Variants in TDRD9 observed in about 807,000 individuals in gnomAD.
TDRD9 encodes the protein ATP-dependent RNA helicase TDRD9.
TDRD9 carries 124 observed loss-of-function variants against 172.6 expected under a neutral mutation model. The observed-to-expected ratio is 0.72, with a 90% CI of 0.62 to 0.83. The LOEUF (loss-of-function observed/expected upper bound fraction) is 0.83, where lower values mean the gene tolerates loss of function less well. TDRD9 is among the 40% of genes least tolerant of loss of function. TDRD9 has a pLI of 0.00. For missense variants in TDRD9, 1,479 were observed against 1,714.1 expected (o/e 0.86, Z 2.42); for synonymous variants, 619 against 617.1 (o/e 1.00, Z -0.05).
chr14:103,958,014 G>A (rs1465461436), intron 2 of TDRD9, among the ~76,000 whole-genome samples: 1 of 152,130 alleles, frequency 6.6e-6, no homozygotes, highest in African/African-American at 2.4e-5. Context: ...GGAGGTTTGG[G>A]CTACTTAGCC....
intron 34 of TDRD9, 25 bp downstream of exon 34, chr14:104,042,212 T>G: frequency 6.7e-7 from 1 of 1,500,676 alleles, no homozygotes. Context: ...GACGCGGGCT[T>G]CTTTTCTTCC....
Position 104,025,783 on chromosome 14 carries a change from T to G in TDRD9, c.2931+7T>G. ...TTCTGGAAATTCTGCTGAGGTAGGTTTTTCTGTAACAAGTCACTGGAAGGG... is the reference window on the plus strand; with the variant it reads ...TTCTGGAAATTCTGCTGAGGTAGGTGTTTCTGTAACAAGTCACTGGAAGGG... On this transcript the variant is annotated splice_region_variant and intron_variant, in intron 26 of 35. Coordinates refer to ENST00000409874, the MANE Select transcript of TDRD9 (RefSeq NM_153046.3). 1 of 1,607,326 alleles carries G rather than the reference T, an allele frequency of 6.2e-7. No homozygotes were observed. Among genetic ancestry groups the G allele is most frequent in the Non-Finnish European group, 8.5e-7 (1 of 1,174,204 alleles).
At chr14:103,973,724 G>T (rs1225704583) in intron 6 of TDRD9, among the ~76,000 whole-genome samples, 1 of 152,184 alleles carries the variant, frequency 6.6e-6, no homozygotes, top group Non-Finnish European at 1.5e-5. Context: ...GGTGACTGGG[G>T]TGTGTCCCTT....
chr14:104,045,484 A>G (rs1168937418), intron 34 of TDRD9, among the ~76,000 whole-genome samples: 3 of 151,136 alleles, frequency 2.0e-5, no homozygotes, highest in Admixed American at 2.0e-4. Context: ...TTGTTTTTAA[A>G]TTTTAGATAC....
chr14:103,952,192 A>G (rs8014866), intron 1 of TDRD9, among the ~76,000 whole-genome samples: 4,909 of 20,384 alleles, frequency 0.24, 193 homozygotes, highest in South Asian at 0.39. Context: ...GTGTGTGTGT[A>G]TATATATATA....
chr14:103,974,896 C>T (rs1360693820), intron 6 of TDRD9, among the ~76,000 whole-genome samples: 5 of 152,216 alleles, frequency 3.3e-5, no homozygotes, highest in East Asian at 1.9e-4. Context: ...TGAGCCACGG[C>T]ACCTGGCCTT....
chr14:103,973,299 A>G (rs559067603), intron 6 of TDRD9, among the ~76,000 whole-genome samples: 33 of 152,322 alleles, frequency 2.2e-4, no homozygotes, highest in African/African-American at 7.5e-4. Flanking sequence ...ATCAGCTTTT[A>G]AAGAGAGTGC....
chr14:103,932,663 A>G (rs1332378567), intron 1 of TDRD9, among the ~76,000 whole-genome samples: 1 of 151,470 alleles, frequency 6.6e-6, no homozygotes, highest in Non-Finnish European at 1.5e-5. Context: ...CTGGGATTAC[A>G]GGCGTGAGGT....
At chr14:103,944,005 C>T (rs545131314) in intron 1 of TDRD9, among the ~76,000 whole-genome samples, 1 of 152,298 alleles carries the variant, frequency 6.6e-6, no homozygotes, top group African/African-American at 2.4e-5. Flanking sequence ...ACAGAAGTGT[C>T]CTACCAAATT....
intron 6 of TDRD9, among the ~76,000 whole-genome samples, chr14:103,974,965 T>A (rs2033177696): frequency 6.6e-6 from 1 of 152,048 alleles, no homozygotes; most frequent in Non-Finnish European, 1.5e-5. Flanking sequence ...GAGACAGTGG[T>A]CTCATGTTGT....
At chr14:103,941,609 A>G in intron 1 of TDRD9, 1 of 1,535,182 alleles carries the variant, frequency 6.5e-7, no homozygotes, top group Non-Finnish European at 8.7e-7. Flanking sequence ...CCCGAAGCAG[A>G]GTCTTTGTCA....
intron 22 of TDRD9, 35 bp downstream of exon 22, chr14:104,016,123 G>A: frequency 7.1e-7 from 1 of 1,415,996 alleles, no homozygotes. Flanking sequence ...TCTCTGGGGT[G>A]TGGTGGGGCA....
chr14:104,016,651 G>A (rs1335835361), intron 22 of TDRD9, among the ~76,000 whole-genome samples: 1 of 152,212 alleles, frequency 6.6e-6, no homozygotes, highest in Non-Finnish European at 1.5e-5. Context: ...CACAGGCCCT[G>A]ACCATTGAAT....
At chr14:103,987,545 A>C (rs113511021) in intron 8 of TDRD9, among the ~76,000 whole-genome samples, 44 of 152,224 alleles carry the variant, frequency 2.9e-4, no homozygotes, top group African/African-American at 1.0e-3. Flanking sequence ...TAATTTGCAC[A>C]TATTTGTGAA....
chr14:103,960,126 T>C (rs929723435), intron 2 of TDRD9, among the ~76,000 whole-genome samples: 9 of 152,276 alleles, frequency 5.9e-5, no homozygotes, highest in African/African-American at 2.2e-4. Flanking sequence ...GAAAGTCATA[T>C]ATAATTATCT....
chr14:104,040,133 A>G (rs906778409), intron 32 of TDRD9, 63 bp from the exon 33 acceptor site: 3 of 1,289,532 alleles, frequency 2.3e-6, no homozygotes, highest in African/African-American at 1.5e-5. Context: ...CAATTTTTAC[A>G]TGCTAAAACA....
chr14:104,014,181 C>G (rs2034705491), intron 20 of TDRD9, among the ~76,000 whole-genome samples: 1 of 145,250 alleles, frequency 6.9e-6, no homozygotes, highest in African/African-American at 2.6e-5. Context: ...GTGAACCAAG[C>G]TGTGATCGCG....
intron 22 of TDRD9, 115 bp downstream of exon 22, chr14:104,016,203 T>G: frequency 1.4e-6 from 1 of 721,626 alleles, no homozygotes; most frequent in Non-Finnish European, 2.3e-6. Flanking sequence ...GCGTGAATAT[T>G]AGGCTTGTTT....
intron 5 of TDRD9, among the ~76,000 whole-genome samples, chr14:103,967,769 T>C (rs1166905415): frequency 6.6e-6 from 1 of 152,130 alleles, no homozygotes; most frequent in Non-Finnish European, 1.5e-5. Context: ...TGATATATAA[T>C]ACGGTTCAGA....
Sources: gnomAD v4.1 joint callset for allele counts (sites outside exome capture counted in the v4.1 genomes callset) on GRCh38, gnomAD v4.1.1 for gene constraint, MANE v1.5 for transcripts, NCBI Gene and HGNC (gene_info 2026-07-23, HGNC 2026-07-21) for gene names.